Variants in EPM2A observed in about 807,000 individuals in gnomAD.
The protein encoded by EPM2A is EPM2A glucan phosphatase, laforin.
In EPM2A, 21 loss-of-function variants were observed where a neutral mutation model predicts 26.5. The ratio of observed to expected loss-of-function variants is 0.79; its 90% CI spans 0.56 to 1.14. The LOEUF (loss-of-function observed/expected upper bound fraction) is 1.14. EPM2A is among the 50% of genes most tolerant of loss of function. The pLI, the probability that EPM2A is intolerant of heterozygous loss-of-function variation, is 0.00. For missense variants in EPM2A, 458 were observed against 440.8 expected, an observed-to-expected ratio of 1.04 and a Z score of -0.35; for synonymous variants, 217 against 177.6, an observed-to-expected ratio of 1.22 and a Z score of -1.76.
chr6:145,397,552 C>A (rs1462207983), intron 4 of EPM2A, among the ~76,000 whole-genome samples: 1 of 152,166 alleles, frequency 6.6e-6, no homozygotes, highest in Non-Finnish European at 1.5e-5. Flanking sequence ...CAGCTTATTG[C>A]CAGAAGCTCT....
At chr6:145,716,067 T>A (rs1032736379) in intron 1 of EPM2A, among the ~76,000 whole-genome samples, 11 of 152,210 alleles carry the variant, frequency 7.2e-5, no homozygotes, top group Non-Finnish European at 1.5e-4. Context: ...CTAGGTTACT[T>A]ATACTATCAA....
intron 2 of EPM2A, among the ~76,000 whole-genome samples, chr6:145,571,060 A>G (rs2114824735): frequency 6.6e-6 from 1 of 152,328 alleles, no homozygotes; most frequent in Admixed American, 6.5e-5. Context: ...AGGCCAGCAG[A>G]GCATAATGTC....
At chr6:145,663,725 A>G (rs1330329226) in intron 2 of EPM2A, among the ~76,000 whole-genome samples, 1 of 134,122 alleles carries the variant, frequency 7.5e-6, no homozygotes, top group African/African-American at 2.8e-5. Context: ...GATTCACCAA[A>G]GTTGAAATGA....
chr6:145,421,153 C>T (rs1042852944), intron 4 of EPM2A, among the ~76,000 whole-genome samples: 3 of 151,960 alleles, frequency 2.0e-5, no homozygotes, highest in African/African-American at 7.2e-5. Context: ...TTTTTGCAAG[C>T]TCTCTTTTTT....
chr6:145,527,283 C>T (rs1196781880), intron 2 of EPM2A, among the ~76,000 whole-genome samples: 1 of 152,030 alleles, frequency 6.6e-6, no homozygotes, highest in African/African-American at 2.4e-5. Flanking sequence ...GTGGAGTGTT[C>T]TGTAAATGTC....
chr6:145,399,361 C>T (rs1458962054), intron 4 of EPM2A, among the ~76,000 whole-genome samples: 2 of 152,142 alleles, frequency 1.3e-5, no homozygotes, highest in Non-Finnish European at 2.9e-5. Context: ...CAAGAAGATT[C>T]TTGTTTGATG....
At chr6:145,541,819 A>T (rs1436358443) in intron 2 of EPM2A, among the ~76,000 whole-genome samples, 1 of 152,198 alleles carries the variant, frequency 6.6e-6, no homozygotes, top group Non-Finnish European at 1.5e-5. Context: ...ATCCGCCCAA[A>T]TGACATAGAA....
At chr6:145,525,878 A>C (rs552244916) in intron 2 of EPM2A, among the ~76,000 whole-genome samples, 1 of 151,572 alleles carries the variant, frequency 6.6e-6, no homozygotes, top group South Asian at 2.1e-4. Flanking sequence ...CGTGTTCTCA[A>C]TGGTAATGTA....
chr6:145,461,973 C>G (rs983429797), intron 4 of EPM2A, among the ~76,000 whole-genome samples: 1 of 152,160 alleles, frequency 6.6e-6, no homozygotes, highest in Non-Finnish European at 1.5e-5. Context: ...TATGCAAAAG[C>G]GTAAGCTCAG....
chr6:145,574,369 C>T (rs1340473948), intron 2 of EPM2A, among the ~76,000 whole-genome samples: 1 of 152,166 alleles, frequency 6.6e-6, no homozygotes, highest in Non-Finnish European at 1.5e-5. Context: ...ATTATGGTAG[C>T]TACACCCACC....
At chr6:145,421,804 T>C (rs544402211) in intron 4 of EPM2A, among the ~76,000 whole-genome samples, 42 of 151,590 alleles carry the variant, frequency 2.8e-4, no homozygotes, top group South Asian at 1.0e-3. Flanking sequence ...TTCAACAAGA[T>C]GATTGGTCAA....
chr6:145,449,321 A>T (rs1438977474), intron 4 of EPM2A, among the ~76,000 whole-genome samples: 2 of 152,144 alleles, frequency 1.3e-5, no homozygotes, highest in African/African-American at 4.8e-5. Flanking sequence ...ATGAGAGCTA[A>T]TTTTTACTGG....
In EPM2A at chr6:145,583,330, T is replaced by C. The variant is rs540079207; in HGVS notation, c.340+51915A>G. Among the ~76,000 whole-genome samples the C allele has an allele frequency of 3.3e-5, 5 of 152,326 alleles. No individual in the cohort carries two copies. In the East Asian group the frequency reaches 9.7e-4, roughly 29 times the overall value. On this transcript the variant is annotated intron_variant, in intron 2 of 3. Transcript: ENST00000450221. ...AAGTTGATGTCCTTTGGATGGGTTT[T>C]TTTCTTTTATCTTCTTTGATGCCCT...
intron 4 of EPM2A, among the ~76,000 whole-genome samples, chr6:145,384,335 G>GAAAAAAATAAAAAATAAAAAAAGGTCA (rs1554231731): frequency 4.0e-5 from 6 of 150,388 alleles, no homozygotes; most frequent in Admixed American, 6.7e-5. Context: ...GATGGCTGTT[G>GAAAAAAATAAAAAATAAAAAAAGGTCA]TAAGTTGGAT....
At chr6:145,573,709 T>A (rs1303389820) in intron 2 of EPM2A, among the ~76,000 whole-genome samples, 1 of 152,220 alleles carries the variant, frequency 6.6e-6, no homozygotes, top group Admixed American at 6.5e-5. Flanking sequence ...ACCCTACCAG[T>A]CAGGGAGCCA....
intron 4 of EPM2A, among the ~76,000 whole-genome samples, chr6:145,422,814 T>A (rs1444744135): frequency 3.3e-5 from 5 of 152,196 alleles, no homozygotes; most frequent in Admixed American, 2.0e-4. Flanking sequence ...ACTGAAATTA[T>A]GAAGCCACAA....
At chr6:145,610,968 G>C (rs1048710584) in intron 2 of EPM2A, among the ~76,000 whole-genome samples, 2 of 152,084 alleles carry the variant, frequency 1.3e-5, no homozygotes, top group African/African-American at 4.8e-5. Context: ...TACTAAACCA[G>C]TTTGCTTCCT....
intron 2 of EPM2A, among the ~76,000 whole-genome samples, chr6:145,568,391 C>G (rs545053649): frequency 7.4e-4 from 112 of 151,116 alleles, no homozygotes; most frequent in African/African-American, 2.6e-3. Context: ...ATGATCTCTG[C>G]TCACTGCAGC....
At chr6:145,596,160 GT>G in intron 2 of EPM2A, among the ~76,000 whole-genome samples, 1 of 152,240 alleles carries the variant, frequency 6.6e-6, no homozygotes, top group Non-Finnish European at 1.5e-5. Context: ...GTTTATTAGT[GT>G]TTATTGTGAT....
Sources: allele counts gnomAD v4.1 joint callset (sites outside exome capture counted in the v4.1 genomes callset), GRCh38; gene constraint gnomAD v4.1.1; transcripts MANE v1.5; gene names NCBI Gene and HGNC (gene_info 2026-07-23, HGNC 2026-07-21).